The following SYT14 variants were observed in gnomAD, a reference collection of about 807,000 sequenced individuals.
SYT14 encodes the protein synaptotagmin 14, also known as synaptotagmin-14.
A neutral mutation model predicts 74.2 loss-of-function variants in SYT14; 32 were observed. That is an observed-to-expected ratio of 0.43 (90% confidence interval 0.33 to 0.58). The LOEUF (loss-of-function observed/expected upper bound fraction) is 0.58. Among genes scored for constraint, SYT14 ranks in the 20% least tolerant of loss-of-function variants. The pLI is 0.05. For synonymous variants in SYT14, 298 were observed against 337.7 expected, an observed-to-expected ratio of 0.88 and a Z score of 1.29; for missense variants, 791 against 981.8, an observed-to-expected ratio of 0.81 and a Z score of 2.60.
At chr1:210,050,245 CTG>C (rs2080966620) in intron 5 of SYT14, among the ~76,000 whole-genome samples, 1 of 152,200 alleles carries the variant, frequency 6.6e-6, no homozygotes, top group Non-Finnish European at 1.5e-5. Flanking sequence ...CCACAAATCT[CTG>C]GGGCAGGGGC....
At chr1:210,097,949 G>A (rs2102537368) in intron 6 of SYT14, among the ~76,000 whole-genome samples, 1 of 152,266 alleles carries the variant, frequency 6.6e-6, no homozygotes, top group Non-Finnish European at 1.5e-5. Flanking sequence ...AGCCAAGGCA[G>A]GAGGGTTCCT....
chr1:210,053,187 G>T (rs1397540519), intron 5 of SYT14, among the ~76,000 whole-genome samples: 6 of 152,028 alleles, frequency 3.9e-5, no homozygotes, highest in African/African-American at 1.5e-4. Context: ...AATCTCCTTT[G>T]GTTTTTTATT....
At chr1:210,096,220 T>C (rs909861166) in intron 6 of SYT14, among the ~76,000 whole-genome samples, 1 of 152,200 alleles carries the variant, frequency 6.6e-6, no homozygotes, top group Non-Finnish European at 1.5e-5. Flanking sequence ...GCCAAAACAG[T>C]GCTCTTAACA....
At chr1:210,079,053 T>C (rs1380448872) in intron 5 of SYT14, among the ~76,000 whole-genome samples, 1 of 152,124 alleles carries the variant, frequency 6.6e-6, no homozygotes, top group East Asian at 1.9e-4. Context: ...GCGCCCAGCA[T>C]GTATGAATCC....
chr1:210,148,892 A>G (rs1002948760), intron 7 of SYT14, among the ~76,000 whole-genome samples: 3 of 152,212 alleles, frequency 2.0e-5, no homozygotes, highest in Non-Finnish European at 4.4e-5. Flanking sequence ...AACATGAGAA[A>G]ATTATAAACC....
chr1:210,142,803 A>T lies in SYT14; in HGVS notation c.2035-12918A>T, dbSNP rs74764884. ...TTTGCATTCACGGCAGACTACACAG[A>T]TAATAGTGTAGAAGAAGCATCAGAA... is the stretch of plus-strand genomic sequence containing the variant. On this transcript the variant is annotated intron_variant, in intron 7 of 9. Coordinates refer to ENST00000637265, the Ensembl canonical transcript of SYT14. Among the ~76,000 whole-genome samples, 346 of 152,294 alleles carry T rather than the reference A, an allele frequency of 2.3e-3. 9 individuals are homozygous for T. The East Asian group carries it at 0.053, about 23-fold the overall frequency.
intron 5 of SYT14, among the ~76,000 whole-genome samples, chr1:210,054,054 C>G (rs999161077): frequency 3.3e-5 from 5 of 152,154 alleles, no homozygotes; most frequent in African/African-American, 1.2e-4. Context: ...TGTCTTCTCA[C>G]TAATAGTGTT....
rs79145556 is a variant in SYT14 at position 210,094,840 on chromosome 1, T to A, written c.1584+247T>A. ...AAGAAGATGGGTACCTAAAGATGTT[T>A]TTTTTAAATACTTTGTATAAAACAT... is the stretch of plus-strand genomic sequence containing the variant. On this transcript the variant is annotated intron_variant, in intron 6 of 9. Coordinates refer to ENST00000637265, the Ensembl canonical transcript of SYT14. Among the ~76,000 whole-genome samples, 364 of 152,298 alleles carry A rather than the reference T, an allele frequency of 2.4e-3. 6 individuals carry two copies. The East Asian group carries it at 0.028, about 12-fold the overall frequency.
chr1:210,151,513 C>CCT (rs397863025), intron 7 of SYT14, among the ~76,000 whole-genome samples: 11,665 of 131,246 alleles, frequency 0.089, 1,617 homozygotes, highest in African/African-American at 0.28. Context: ...TGCCCCCCCC[C>CCT]TTTTTTTTTT....
chr1:209,973,333 G>A (rs2079293529), intron 2 of SYT14, among the ~76,000 whole-genome samples: 2 of 152,116 alleles, frequency 1.3e-5, no homozygotes, highest in Admixed American at 6.5e-5. Flanking sequence ...TTAACATTAG[G>A]TATATATCCT....
intron 7 of SYT14, among the ~76,000 whole-genome samples, chr1:210,102,455 CT>C (rs1169506762): frequency 6.6e-6 from 1 of 152,042 alleles, no homozygotes; most frequent in Non-Finnish European, 1.5e-5. Context: ...CTTTTGGCTT[CT>C]GTGCTATCAG....
intron 5 of SYT14, among the ~76,000 whole-genome samples, chr1:210,043,540 G>A (rs953004850): frequency 2.0e-5 from 3 of 152,144 alleles, no homozygotes; most frequent in Admixed American, 6.5e-5. Context: ...CTCTACTACC[G>A]TGGTAACACT....
intron 7 of SYT14, among the ~76,000 whole-genome samples, chr1:210,136,742 C>G (rs1347638085): frequency 4.6e-5 from 7 of 152,172 alleles, no homozygotes; most frequent in African/African-American, 1.7e-4. Flanking sequence ...GCGAAGACCT[C>G]ACCGTAGCCT....
intron 5 of SYT14, among the ~76,000 whole-genome samples, chr1:210,085,632 T>A (rs2081711956): frequency 6.6e-6 from 1 of 152,232 alleles, no homozygotes; most frequent in African/African-American, 2.4e-5. Context: ...AATTATCATA[T>A]TACTTTTTAT....
intron 2 of SYT14, among the ~76,000 whole-genome samples, chr1:209,964,915 T>C (rs2079131636): frequency 6.6e-6 from 1 of 152,196 alleles, no homozygotes; most frequent in Admixed American, 6.5e-5. Flanking sequence ...TATCAATTAA[T>C]GTTGACTGGG....
At chr1:210,132,391 A>AT (rs1190769264) in intron 7 of SYT14, among the ~76,000 whole-genome samples, 10 of 151,648 alleles carry the variant, frequency 6.6e-5, no homozygotes, top group African/African-American at 1.7e-4. Context: ...GACATAATTG[A>AT]TTTTTTTTAA....
At chr1:209,976,361 C>A (rs4844505) in intron 2 of SYT14, among the ~76,000 whole-genome samples, 85,716 of 134,876 alleles carry the variant, frequency 0.64, 28,290 homozygotes, top group East Asian at 0.84. Context: ...ATTTCCCTCT[C>A]CACACTGCTT....
chr1:210,164,085 T>C, exon 10 of SYT14: 1 of 453,018 alleles, frequency 2.2e-6, no homozygotes, highest in Non-Finnish European at 4.4e-6. Flanking sequence ...TGCTGCCCAG[T>C]AAACAAAATG....
chr1:210,029,762 G>C (rs2080488731), intron 5 of SYT14, among the ~76,000 whole-genome samples: 1 of 152,100 alleles, frequency 6.6e-6, no homozygotes, highest in African/African-American at 2.4e-5. Context: ...AATTTTAGGA[G>C]GTTTTTCTAT....
Sources: allele counts gnomAD v4.1 joint callset (sites outside exome capture counted in the v4.1 genomes callset), GRCh38; gene constraint gnomAD v4.1.1; transcripts MANE v1.5; gene names NCBI Gene and HGNC (gene_info 2026-07-23, HGNC 2026-07-21).